Variants in SACS observed in about 807,000 individuals in gnomAD.
The protein encoded by SACS is sacsin.
Under a neutral mutation model 348.0 loss-of-function variants are expected in SACS, and 197 were observed. The observed-to-expected ratio is 0.57, with a 90% CI of 0.50 to 0.64. The LOEUF (loss-of-function observed/expected upper bound fraction) is 0.64. SACS is among the 30% of genes least tolerant of loss of function. SACS has a pLI of 0.00. For missense variants in SACS, 4,999 were observed against 5,360.8 expected (o/e 0.93, Z 2.11); for synonymous variants, 1,985 against 1,910.6 (o/e 1.04, Z -1.02).
chr13:23,341,212 C>T lies in SACS; in HGVS notation c.2664G>A (p.Leu888=). ...GAAGTAGCGAAGTTATTTGATTACACAATTTCTGCAATGGCATCTTCTCCA... is the reference window on the plus strand; with the variant it reads ...GAAGTAGCGAAGTTATTTGATTACATAATTTCTGCAATGGCATCTTCTCCA... ...QIMEKMPLQK[L]CNQITSLLPT... Residue 888 remains leucine, a synonymous_variant, in exon 10 of 10, where the codon TTG becomes TTA. Coordinates refer to ENST00000382292, the MANE Select transcript of SACS (RefSeq NM_014363.6). The T allele has an allele frequency of 6.2e-7, 1 of 1,613,914 alleles. No homozygotes were observed. The highest frequency in any genetic ancestry group is 8.5e-7 in the Non-Finnish European group (1 of 1,180,026).
chr13:23,423,011 CG>C (rs1223327486), intron 1 of SACS, among the ~76,000 whole-genome samples: 1 of 152,072 alleles, frequency 6.6e-6, no homozygotes, highest in Non-Finnish European at 1.5e-5. Context: ...TGTAAAAACA[CG>C]TTTTGTAGAA....
intron 2 of SACS, among the ~76,000 whole-genome samples, chr13:23,381,355 GCACACACACA>G (rs71100174): frequency 2.5e-4 from 35 of 140,072 alleles, no homozygotes; most frequent in Admixed American, 8.6e-4. Context: ...GCAGCACGAA[GCACACACACA>G]CACACACACA....
chr13:23,410,000 A>C (rs1430785889), intron 2 of SACS, among the ~76,000 whole-genome samples: 1 of 152,186 alleles, frequency 6.6e-6, no homozygotes, highest in African/African-American at 2.4e-5. Context: ...CGAAATTACC[A>C]ATACAAAGAA....
At chr13:23,375,322 C>T in intron 2 of SACS, 53 bp from the exon 3 acceptor site, 1 of 1,359,510 alleles carries the variant, frequency 7.4e-7, no homozygotes, top group Non-Finnish European at 9.5e-7. Context: ...CCCGCCCGCC[C>T]AGCGCCCGCG....
chr13:23,392,646 C>T (rs1872570764), intron 2 of SACS, among the ~76,000 whole-genome samples: 1 of 152,216 alleles, frequency 6.6e-6, no homozygotes, highest in African/African-American at 2.4e-5. Context: ...TTCAAGGCCA[C>T]ACGACTAGCA....
intron 7 of SACS, among the ~76,000 whole-genome samples, chr13:23,357,157 G>A (rs1870445874): frequency 6.6e-6 from 1 of 152,294 alleles, no homozygotes; most frequent in South Asian, 2.1e-4. Flanking sequence ...AGATGCAGGT[G>A]CTGGGCAATT....
At chr13:23,341,988 C>T (rs991360395) in intron 9 of SACS, among the ~76,000 whole-genome samples, 25 of 151,854 alleles carry the variant, frequency 1.6e-4, no homozygotes, top group Non-Finnish European at 3.5e-4. Context: ...GGGGTTTCAC[C>T]ATGTTAGCCA....
chr13:23,338,268 C>T lies in SACS; in HGVS notation c.5608G>A (p.Val1870Met), dbSNP rs752750902. 4 of 1,614,144 alleles carry T rather than the reference C, an allele frequency of 2.5e-6. No homozygotes were observed. The East Asian group carries it at 8.9e-5, about 36-fold the overall frequency. Residue 1870 changes from valine to methionine, a missense_variant, in exon 10 of 10, where the codon GTG becomes ATG. By Grantham distance (21) the Val-to-Met change is conservative (BLOSUM62 1). This residue lies in a region of SACS where 3,156 missense variants were observed against 3,380.1 expected (regional missense o/e 0.93). Coordinates refer to ENST00000382292, the MANE Select transcript of SACS (RefSeq NM_014363.6). Reference protein sequence around the residue: ...KWTVKPHIGEVFCYLPLRIKT... With the variant: ...KWTVKPHIGEMFCYLPLRIKT... ...ATTCGTAAAGGTAAATAGCAAAACA[C>T]CTCTCCAATGTGTGGTTTCACTGTC...
At position 23,338,014 on chromosome 13, in the gene SACS, A is replaced by T; in HGVS notation, c.5862T>A (p.Asp1954Glu). 2.5e-6 allele frequency: 4 copies of T among 1,613,962 alleles called. No individual in the cohort carries two copies. Among genetic ancestry groups the T allele is most frequent in the Non-Finnish European group, 3.4e-6 (4 of 1,179,938 alleles). The stretch of plus-strand genomic sequence containing the variant: ...ATCCTTGGCAAATTACAGAAAAATC[A>T]TCATGAACTAAATCAGGATCGGGCC... Reference protein sequence around the residue: ...AVWPDPDLVHDDFSVICQGFY... With the variant: ...AVWPDPDLVHEDFSVICQGFY... Residue 1954 changes from aspartate (D) to glutamate (E), a missense_variant, in exon 10 of 10, where the codon GAT becomes GAA. Physicochemically the swap from Asp to Glu is conservative, Grantham distance 45 (BLOSUM62 2). Around this residue, in one of 6 missense-constraint regions of SACS, gnomAD observed 3,156 missense variants for 3,380.1 expected, o/e 0.93. Transcript: ENST00000382292.
intron 6 of SACS, 144 bp downstream of exon 6, chr13:23,365,022 G>T: frequency 1.7e-6 from 1 of 588,906 alleles, no homozygotes; most frequent in Non-Finnish European, 3.0e-6. Context: ...CCCACCAAAA[G>T]CAGAGAAAAA....
In SACS at chr13:23,333,740, A is replaced by C. The variant is rs1057517250; in HGVS notation, c.10136T>G (p.Leu3379Ter). The C allele has an allele frequency of 1.2e-6, 2 of 1,613,678 alleles. No individual in the cohort carries two copies. Among genetic ancestry groups the C allele is most frequent in the Non-Finnish European group, 1.7e-6 (2 of 1,179,792 alleles). Residue 3379 changes from leucine (L) to a stop codon, truncating the protein, a stop_gained, in exon 10 of 10, where the codon TTA becomes TGA. Transcript: ENST00000382292. LOFTEE classifies it high-confidence loss of function. The part of the protein sequence containing the change: ...VQTSTFRAEK[L>*]VENDFEALLM... ...AAGTGCCTCAAAATCATTTTCTACT[A>C]ATTTTTCTGCTCTAAATGTTGAAGT...
rs1883344888 is a variant in SACS, at chr13:23,329,684, G to C, written c.*452C>G. The stretch of plus-strand genomic sequence containing the variant: ...GCTGATGAGAAAATAACGCATCCAA[G>C]AGGATCCACTTAAAAAAATGACAGA... On this transcript the variant is annotated 3_prime_UTR_variant, in exon 10 of 10. Transcript: ENST00000382292. The C allele has an allele frequency of 1.7e-5, 9 of 521,512 alleles. No homozygotes were observed. The highest frequency in any genetic ancestry group is 3.0e-5 in the Non-Finnish European group (9 of 300,238). The allele number at this position is 521,512 out of a possible 1,614,324, so 32.3% of individuals were successfully genotyped here.
rs559840825 is a variant in SACS at position 23,342,903 on chromosome 13, A to G, written c.2186-1213T>C. On this transcript the variant is annotated intron_variant, in intron 9 of 9. Transcript: ENST00000382292. The stretch of plus-strand genomic sequence containing the variant: ...TTGAATTCTCTCATTTGGAAAAATA[A>G]TGGGGATGAGATTCTAGATCTAAAG... Among the ~76,000 whole-genome samples the G allele has an allele frequency of 2.8e-4, 42 of 152,318 alleles. No homozygotes were observed. In the South Asian group the frequency reaches 8.7e-3, roughly 32 times the overall value.
intron 2 of SACS, among the ~76,000 whole-genome samples, chr13:23,388,422 G>GTATA (rs71185075): frequency 1.6e-4 from 15 of 93,534 alleles, no homozygotes; most frequent in African/African-American, 5.0e-4. Context: ...TGGTGTGTGT[G>GTATA]TATATATATA....
Position 23,336,123 on chromosome 13 carries a change from C to G in SACS, c.7753G>C (p.Gly2585Arg). 6.2e-7 allele frequency: 1 copy of G among 1,612,910 alleles called. No individual in the cohort carries two copies. The highest frequency in any genetic ancestry group is 8.5e-7 in the Non-Finnish European group (1 of 1,179,110). Residue 2585 changes from glycine (G) to arginine (R), a missense_variant, in exon 10 of 10, where the codon GGG (glycine) becomes CGG (arginine). Gly to Arg is a moderately radical substitution (Grantham distance 125). Transcript: ENST00000382292. ...TTGTTGTACACACAAAGTGCTGGCC[C>G]TTGCAATGGGGCCCACTTATCATCA... ...IFDDKWAPLQ[G>R]PALCVYNNQP... is the part of the protein sequence containing the mutation.
Position 23,329,342 on chromosome 13 carries a change from T to C in SACS, c.*794A>G. ...TAAATTATAACATTTGTGGAAAATA[T>C]GTACACACAAACATAAAGCAAGTGT... On this transcript the variant is annotated 3_prime_UTR_variant, in exon 10 of 10. Transcript: ENST00000382292. 1.5e-6 allele frequency: 1 copy of C among 671,060 alleles called. No individual in the cohort carries two copies. The allele number at this position is 671,060 out of a possible 1,614,324, so 41.6% of individuals were successfully genotyped here.
chr13:23,332,854 A>G lies in SACS; in HGVS notation c.11022T>C (p.Asn3674=). The G allele has an allele frequency of 1.2e-6, 2 of 1,613,778 alleles. No individual in the cohort carries two copies. The highest frequency in any genetic ancestry group is 1.3e-5 in the African/African-American group (1 of 75,052). ...IRFHPQYQEV[N]GTLPLIKFNG... Reference sequence around the variant, plus strand: ...TGAACTTTATAAGAGGAAGTGTTCCATTTACCTCTTGATATTGAGGATGAA... The same window carrying G: ...TGAACTTTATAAGAGGAAGTGTTCCGTTTACCTCTTGATATTGAGGATGAA... Residue 3674 remains asparagine, a synonymous_variant, in exon 10 of 10, where the codon AAT becomes AAC. Transcript: ENST00000382292.
Position 23,362,581 on chromosome 13 carries a change from C to CTTTT in SACS, c.457+2581_457+2584dup, listed in dbSNP as rs34351648. Among the ~76,000 whole-genome samples, 18 of 111,874 alleles carry CTTTT rather than the reference C, an allele frequency of 1.6e-4. 1 individual carries two copies. The highest frequency in any genetic ancestry group is 3.1e-4 in the Admixed American group (3 of 9,632). The allele number at this position is 111,874 out of a possible 152,430, so 73.4% of individuals were successfully genotyped here. A position where few individuals can be genotyped will look rare whatever the true frequency, so the allele number is the denominator to read the frequency against. On this transcript the variant is annotated intron_variant, in intron 6 of 9. Coordinates refer to ENST00000382292, the MANE Select transcript of SACS (RefSeq NM_014363.6). ...CCACCTGCTTTTATATAATACATTC[C>CTTTT]TTTTTTTTTTTTTTTTTTTTTTGAG...
intron 2 of SACS, among the ~76,000 whole-genome samples, chr13:23,384,193 A>G (rs1275780515): frequency 1.3e-5 from 2 of 152,238 alleles, no homozygotes; most frequent in Non-Finnish European, 2.9e-5. Flanking sequence ...CAGGCAGAAG[A>G]GCAGAAGGCT....
Sources: gnomAD v4.1 joint callset for allele counts (sites outside exome capture counted in the v4.1 genomes callset) on GRCh38, gnomAD v4.1.1 for gene constraint, gnomAD v4.1.1 regional missense constraint, MANE v1.5 for transcripts, NCBI Gene and HGNC (gene_info 2026-07-23, HGNC 2026-07-21) for gene names.